Variants in PCCA observed in about 807,000 individuals in gnomAD.
PCCA encodes the protein propionyl-CoA carboxylase subunit alpha, also known as propionyl-CoA carboxylase alpha chain, mitochondrial.
In PCCA, 74 loss-of-function variants were observed where a neutral mutation model predicts 101.3. The ratio of observed to expected loss-of-function variants is 0.73; its 90% CI spans 0.61 to 0.89. The LOEUF (loss-of-function observed/expected upper bound fraction) is 0.89, where lower values mean the gene tolerates loss of function less well. Among genes scored for constraint, PCCA ranks in the 40% least tolerant of loss-of-function variants. The pLI is 0.00. For missense variants in PCCA, 891 were observed against 907.0 expected (o/e 0.98, Z 0.23); for synonymous variants, 294 against 313.6 (o/e 0.94, Z 0.66).
chr13:100,454,886 T>A (rs1359267304), intron 21 of PCCA, among the ~76,000 whole-genome samples: 9 of 151,906 alleles, frequency 5.9e-5, no homozygotes, highest in Non-Finnish European at 1.0e-4. Context: ...CTCATTACTT[T>A]AAAAAAAATG....
intron 7 of PCCA, among the ~76,000 whole-genome samples, chr13:100,214,456 C>T (rs1032185275): frequency 1.3e-5 from 2 of 151,006 alleles, no homozygotes; most frequent in Non-Finnish European, 2.9e-5. Context: ...GATGGAACCT[C>T]GCTCTGTTGC....
At chr13:100,528,071 A>T (rs1414380116) in intron 23 of PCCA, among the ~76,000 whole-genome samples, 1 of 152,254 alleles carries the variant, frequency 6.6e-6, no homozygotes, top group African/African-American at 2.4e-5. Flanking sequence ...GCAGTTAGTT[A>T]TCTGAGACTT....
chr13:100,191,418 T>G (rs560081412), intron 6 of PCCA, among the ~76,000 whole-genome samples: 2 of 152,304 alleles, frequency 1.3e-5, no homozygotes, highest in Admixed American at 1.3e-4. Flanking sequence ...CCCTTCACAC[T>G]TGTGTCGCAG....
intron 4 of PCCA, among the ~76,000 whole-genome samples, chr13:100,116,593 A>G (rs747789347): frequency 1.4e-4 from 21 of 152,182 alleles, no homozygotes; most frequent in Non-Finnish European, 2.5e-4. Flanking sequence ...GAATTTTAGG[A>G]TGAGCTGGCC....
At position 100,257,464 on chromosome 13, in the gene PCCA, A is replaced by G. The variant is rs2062151337; in HGVS notation, c.638-131A>G. On this transcript the variant is annotated intron_variant, in intron 8 of 23. Coordinates refer to ENST00000376285, the MANE Select transcript of PCCA (RefSeq NM_000282.4). ...TTACTTTCCTGGTGTTATTTTCCTGACTCTAAAGAAAGGAACTTTTAAATA... is the reference window on the plus strand; with the variant it reads ...TTACTTTCCTGGTGTTATTTTCCTGGCTCTAAAGAAAGGAACTTTTAAATA... The G allele has an allele frequency of 4.1e-6, 3 of 729,696 alleles. No homozygotes were observed. The East Asian group carries it at 8.1e-5, about 20-fold the overall frequency. 45.2% of individuals were successfully genotyped at this position (729,696 alleles called of 1,614,324 possible).
At chr13:100,429,259 G>A (rs1351419793) in intron 20 of PCCA, among the ~76,000 whole-genome samples, 1 of 151,914 alleles carries the variant, frequency 6.6e-6, no homozygotes, top group Non-Finnish European at 1.5e-5. Context: ...TTCCTGGGCT[G>A]CATTGCTCCA....
At chr13:100,174,858 T>G (rs1400467330) in intron 6 of PCCA, among the ~76,000 whole-genome samples, 1 of 152,086 alleles carries the variant, frequency 6.6e-6, no homozygotes, top group Non-Finnish European at 1.5e-5. Flanking sequence ...TTGGAAAAAC[T>G]ATTGTCACAC....
intron 9 of PCCA, among the ~76,000 whole-genome samples, chr13:100,259,398 G>C (rs553876038): frequency 7.5e-6 from 1 of 133,734 alleles, no homozygotes; most frequent in South Asian, 2.5e-4. Context: ...GAAGTAGCAC[G>C]ATCTTGGCTC....
intron 12 of PCCA, among the ~76,000 whole-genome samples, chr13:100,296,954 T>C (rs1232210422): frequency 6.6e-6 from 1 of 152,238 alleles, no homozygotes; most frequent in Non-Finnish European, 1.5e-5. Context: ...CTTTATTCTC[T>C]CTCAATCTGG....
intron 10 of PCCA, among the ~76,000 whole-genome samples, chr13:100,263,736 G>T (rs927917294): frequency 1.3e-5 from 2 of 151,646 alleles, no homozygotes; most frequent in African/African-American, 4.8e-5. Flanking sequence ...TTTTTAAAAA[G>T]ATTTTCTAAA....
chr13:100,286,284 G>A (rs1422032727), intron 12 of PCCA, among the ~76,000 whole-genome samples: 3 of 152,160 alleles, frequency 2.0e-5, no homozygotes, highest in Non-Finnish European at 4.4e-5. Flanking sequence ...TGGAGCAATG[G>A]TGAGCACACA....
rs146862219 is a variant in PCCA at position 100,277,550 on chromosome 13, G to T, written c.1065+4204G>T. Among the ~76,000 whole-genome samples the T allele has an allele frequency of 2.6e-3, 401 of 152,178 alleles. 1 individual carries two copies. Among genetic ancestry groups the T allele is most frequent in the African/African-American group, 9.3e-3 (387 of 41,528 alleles). On this transcript the variant is annotated intron_variant, in intron 12 of 23. Coordinates refer to ENST00000376285, the MANE Select transcript of PCCA (RefSeq NM_000282.4). ...CTGAGTGGCTTTAGAGGTACATTAT[G>T]CCTATAGATTAAATAAGTTTGTGTC...
chr13:100,126,664 G>C (rs776020732), intron 4 of PCCA, among the ~76,000 whole-genome samples: 1 of 152,090 alleles, frequency 6.6e-6, no homozygotes. Context: ...AGAAATGTAT[G>C]TATTTTGGGG....
In PCCA at chr13:100,465,722, A is replaced by G. The variant is rs772683965; in HGVS notation, c.1899+16417A>G. ...GTCAGAACATGTCTCCAGATATAAC[A>G]ACTAAAATTGTCTCCAAATATTGCC... On this transcript the variant is annotated intron_variant, in intron 21 of 23. Coordinates refer to ENST00000376285, the MANE Select transcript of PCCA (RefSeq NM_000282.4). Among the ~76,000 whole-genome samples the G allele has an allele frequency of 1.1e-4, 17 of 152,238 alleles. 1 individual carries two copies. The highest frequency in any genetic ancestry group is 5.2e-4 in the Admixed American group (8 of 15,272).
chr13:100,469,086 C>T (rs886290001), intron 21 of PCCA, among the ~76,000 whole-genome samples: 3 of 151,764 alleles, frequency 2.0e-5, no homozygotes, highest in African/African-American at 7.3e-5. Context: ...TGGCACATTC[C>T]TGTAATCCCA....
intron 6 of PCCA, among the ~76,000 whole-genome samples, chr13:100,168,823 T>G (rs531930318): frequency 6.6e-6 from 1 of 152,290 alleles, no homozygotes; most frequent in South Asian, 2.1e-4. Flanking sequence ...CATGGTCCAG[T>G]TTGATTCCTG....
At chr13:100,157,051 A>C (rs2053960133) in intron 5 of PCCA, among the ~76,000 whole-genome samples, 1 of 152,194 alleles carries the variant, frequency 6.6e-6, no homozygotes, top group South Asian at 2.1e-4. Context: ...TAGTGTGTGG[A>C]AAATGAATCA....
intron 19 of PCCA, among the ~76,000 whole-genome samples, chr13:100,392,748 T>G (rs2152842353): frequency 6.6e-6 from 1 of 152,350 alleles, no homozygotes. Context: ...TGTGAATAAC[T>G]GATAAGTGGG....
At chr13:100,461,957 CTT>C (rs1208475957) in intron 21 of PCCA, among the ~76,000 whole-genome samples, 1 of 152,212 alleles carries the variant, frequency 6.6e-6, no homozygotes, top group Non-Finnish European at 1.5e-5. Context: ...CGGTCACACT[CTT>C]TGTATTCCTG....
Sources: allele counts gnomAD v4.1 joint callset (sites outside exome capture counted in the v4.1 genomes callset), GRCh38; gene constraint gnomAD v4.1.1; transcripts MANE v1.5; gene names NCBI Gene and HGNC (gene_info 2026-07-23, HGNC 2026-07-21).